The following NR5A2 variants were observed in gnomAD, a reference collection of about 807,000 sequenced individuals.
The protein encoded by NR5A2 is nuclear receptor subfamily 5 group A member 2.
A neutral mutation model predicts 62.7 loss-of-function variants in NR5A2; 26 were observed. That is an observed-to-expected ratio of 0.41 (90% CI 0.30 to 0.58). The LOEUF (loss-of-function observed/expected upper bound fraction) is 0.58. NR5A2 is among the 20% of genes least tolerant of loss of function. The probability of loss-of-function intolerance (pLI) is 0.22; values close to 1 mark genes in which losing one functional copy is unlikely to be tolerated. For missense variants in NR5A2, 541 were observed against 669.1 expected (o/e 0.81, Z 2.11); for synonymous variants, 246 against 241.7 (o/e 1.02, Z -0.16).
At chr1:200,145,060 C>A (rs1667623583) in intron 7 of NR5A2, among the ~76,000 whole-genome samples, 1 of 152,094 alleles carries the variant, frequency 6.6e-6, no homozygotes, top group African/African-American at 2.4e-5. Flanking sequence ...ACCTGTAATC[C>A]CAGCACTTTG....
chr1:200,105,572 C>T (rs993060941), intron 5 of NR5A2, among the ~76,000 whole-genome samples: 4 of 152,146 alleles, frequency 2.6e-5, no homozygotes, highest in African/African-American at 9.7e-5. Flanking sequence ...CCAAAATTAA[C>T]GATCAGAAAT....
chr1:200,068,936 G>C lies in NR5A2; in HGVS notation c.1110+20118G>C, dbSNP rs559738938. On this transcript the variant is annotated intron_variant, in intron 5 of 7. Coordinates refer to ENST00000367362, the MANE Select transcript of NR5A2 (RefSeq NM_205860.3). Reference sequence around the variant, plus strand: ...AAATAAATATTAACCCCAGACATCTGTAGTGAGTTTTTCTTTCTAAAAATA... The same window carrying C: ...AAATAAATATTAACCCCAGACATCTCTAGTGAGTTTTTCTTTCTAAAAATA... Among the ~76,000 whole-genome samples, 3 of 152,272 alleles carry C rather than the reference G, an allele frequency of 2.0e-5. No homozygotes were observed. In the South Asian group the frequency reaches 6.2e-4, roughly 32 times the overall value.
At chr1:200,113,644 T>C (rs761114611) in intron 6 of NR5A2, among the ~76,000 whole-genome samples, 11 of 152,216 alleles carry the variant, frequency 7.2e-5, no homozygotes, top group Non-Finnish European at 1.3e-4. Flanking sequence ...ATTACCTGAT[T>C]GAACTAAATG....
At chr1:200,096,134 C>T (rs2817000) in intron 5 of NR5A2, among the ~76,000 whole-genome samples, 325 of 152,264 alleles carry the variant, frequency 2.1e-3, no homozygotes, top group Non-Finnish European at 3.7e-3. Context: ...GAGTCTGTCA[C>T]CCAGGCTGGA....
At chr1:200,082,820 CT>C (rs1176552046) in intron 5 of NR5A2, among the ~76,000 whole-genome samples, 1 of 152,112 alleles carries the variant, frequency 6.6e-6, no homozygotes, top group Non-Finnish European at 1.5e-5. Context: ...AAAACACCTG[CT>C]GTGCATCTAC....
intron 1 of NR5A2, among the ~76,000 whole-genome samples, chr1:200,036,207 G>A (rs1661772714): frequency 6.6e-6 from 1 of 152,164 alleles, no homozygotes; most frequent in South Asian, 2.1e-4. Flanking sequence ...CAGCCACTTG[G>A]CTGTCTTCAT....
chr1:200,053,569 G>GCACACACACA (rs34611924), intron 5 of NR5A2, among the ~76,000 whole-genome samples: 580 of 142,064 alleles, frequency 4.1e-3, no homozygotes, highest in African/African-American at 9.6e-3. Context: ...GCATGCACAC[G>GCACACACACA]CACACACACA....
At chr1:200,105,209 C>T (rs1665590106) in intron 5 of NR5A2, among the ~76,000 whole-genome samples, 1 of 152,142 alleles carries the variant, frequency 6.6e-6, no homozygotes, top group Non-Finnish European at 1.5e-5. Flanking sequence ...ATCCTCCTAT[C>T]TCAGCCTCCC....
intron 7 of NR5A2, among the ~76,000 whole-genome samples, chr1:200,163,740 A>G (rs1653764474): frequency 6.6e-6 from 1 of 152,192 alleles, no homozygotes; most frequent in Non-Finnish European, 1.5e-5. Flanking sequence ...TTGGCCTGCC[A>G]AAGTGCTGGG....
intron 5 of NR5A2, among the ~76,000 whole-genome samples, chr1:200,093,817 C>CA (rs960644877): frequency 2.0e-5 from 3 of 152,124 alleles, no homozygotes; most frequent in Non-Finnish European, 2.9e-5. Context: ...CAAACTTTCG[C>CA]AAAATTGAAT....
intron 7 of NR5A2, among the ~76,000 whole-genome samples, chr1:200,172,799 C>G (rs542364046): frequency 6.6e-6 from 1 of 152,188 alleles, no homozygotes; most frequent in African/African-American, 2.4e-5. Context: ...TTACTTGAAC[C>G]GAGTTTAGTA....
At chr1:200,141,925 G>A (rs531999525) in intron 7 of NR5A2, among the ~76,000 whole-genome samples, 13 of 151,958 alleles carry the variant, frequency 8.6e-5, no homozygotes, top group South Asian at 2.1e-4. Context: ...TGAGTATACC[G>A]GAAGTGCACA....
chr1:200,062,233 G>GTT (rs1663260027), intron 5 of NR5A2, among the ~76,000 whole-genome samples: 2 of 151,230 alleles, frequency 1.3e-5, no homozygotes, highest in Admixed American at 1.3e-4. Flanking sequence ...GATTTTGTGT[G>GTT]TGTGTGTGTG....
intron 5 of NR5A2, among the ~76,000 whole-genome samples, chr1:200,064,216 A>G (rs540042846): frequency 2.6e-4 from 40 of 152,238 alleles, no homozygotes; most frequent in African/African-American, 8.9e-4. Context: ...AGTTTTCTCA[A>G]TTAAAGTAGA....
chr1:200,111,012 C>T (rs1451705838), intron 5 of NR5A2, among the ~76,000 whole-genome samples, 190 bp from the exon 6 acceptor site: 2 of 151,990 alleles, frequency 1.3e-5, no homozygotes, highest in African/African-American at 2.4e-5. Flanking sequence ...ACTATTTGTC[C>T]GAATGAAAAT....
intron 7 of NR5A2, among the ~76,000 whole-genome samples, chr1:200,144,233 TCACACACACA>T (rs60365337): frequency 6.2e-5 from 5 of 80,028 alleles, no homozygotes; most frequent in Admixed American, 1.2e-4. Flanking sequence ...TCTCTCTCTC[TCACACACACA>T]CACACACACA....
intron 5 of NR5A2, among the ~76,000 whole-genome samples, chr1:200,075,969 C>T (rs1664015284): frequency 6.6e-6 from 1 of 150,434 alleles, no homozygotes. Flanking sequence ...ATTCTGTTCT[C>T]TTGATTTTAA....
chr1:200,062,227 T>TGTGTGTG (rs1663256673), intron 5 of NR5A2, among the ~76,000 whole-genome samples: 4 of 145,666 alleles, frequency 2.7e-5, no homozygotes, highest in African/African-American at 7.6e-5. Context: ...CTGGCAGATT[T>TGTGTGTG]TGTGTGTGTG....
At chr1:200,119,401 C>A (rs1666381064) in intron 6 of NR5A2, among the ~76,000 whole-genome samples, 2 of 152,132 alleles carry the variant, frequency 1.3e-5, no homozygotes, top group Non-Finnish European at 2.9e-5. Flanking sequence ...GCCTCCCAGA[C>A]AAATTTGCTG....
Sources: allele counts gnomAD v4.1 joint callset (sites outside exome capture counted in the v4.1 genomes callset), GRCh38; gene constraint gnomAD v4.1.1; transcripts MANE v1.5; gene names NCBI Gene and HGNC (gene_info 2026-07-23, HGNC 2026-07-21).